The following ZC3H12B variants were observed in gnomAD, a reference collection of about 807,000 sequenced individuals.
The protein encoded by ZC3H12B is probable ribonuclease ZC3H12B.
In ZC3H12B, 7 loss-of-function variants were observed where a neutral mutation model predicts 43.9. That is an observed-to-expected ratio of 0.16 (90% CI 0.09 to 0.30). ZC3H12B has a LOEUF of 0.30. Ranked by LOEUF, ZC3H12B falls within the 10% of genes least tolerant of loss-of-function variation. The probability of loss-of-function intolerance (pLI) is 1.00; values close to 1 mark genes in which losing one functional copy is unlikely to be tolerated. For missense variants in ZC3H12B, 475 were observed against 670.2 expected (o/e 0.71, Z 3.22); for synonymous variants, 222 against 241.7 (o/e 0.92, Z 0.76).
At chrX:65,137,395 C>T in the ZC3H12B span, among the ~76,000 whole-genome samples, 1 of 111,948 alleles carries the variant, frequency 8.9e-6, no homozygotes, top group Non-Finnish European at 1.9e-5. Context: ...CTTTCTAATG[C>T]TTAAATTTGC....
At chrX:65,107,614 G>C in the ZC3H12B span, among the ~76,000 whole-genome samples, 1 of 111,202 alleles carries the variant, frequency 9.0e-6, no homozygotes, top group Non-Finnish European at 1.9e-5. Flanking sequence ...TCATGGGATG[G>C]ACCCGGTGGA....
At chrX:65,061,686 A>T in the ZC3H12B span, among the ~76,000 whole-genome samples, 1 of 112,487 alleles carries the variant, frequency 8.9e-6, no homozygotes, top group South Asian at 3.7e-4. Context: ...ATACCCAGTA[A>T]TGGGATTGCT....
chrX:65,218,068 A>G, the ZC3H12B span, among the ~76,000 whole-genome samples: 1 of 112,411 alleles, frequency 8.9e-6, no homozygotes, highest in African/African-American at 3.2e-5. Flanking sequence ...GCAGCAAAAG[A>G]AAAGCAAGTA....
At chrX:65,165,929 C>T in the ZC3H12B span, among the ~76,000 whole-genome samples, 1 of 112,199 alleles carries the variant, frequency 8.9e-6, no homozygotes, top group Non-Finnish European at 1.9e-5. Context: ...AAGAGTATTT[C>T]TATTTCTCCA....
chrX:65,340,558 C>T, the ZC3H12B span, among the ~76,000 whole-genome samples: 3 of 111,933 alleles, frequency 2.7e-5, no homozygotes, highest in Non-Finnish European at 3.8e-5. Context: ...TACAGGTCTC[C>T]CAGATTTAGA....
the ZC3H12B span, among the ~76,000 whole-genome samples, chrX:65,048,305 A>G: frequency 1.8e-5 from 2 of 111,477 alleles, no homozygotes; most frequent in Non-Finnish European, 3.8e-5. Context: ...TTCTGTATCT[A>G]TTCATCCATT....
the ZC3H12B span, among the ~76,000 whole-genome samples, chrX:65,340,746 CA>C: frequency 6.2e-5 from 7 of 112,409 alleles, no homozygotes; most frequent in Non-Finnish European, 1.1e-4. Context: ...CATCAACCCA[CA>C]AAGATGAGAA....
At chrX:65,138,324 C>A in the ZC3H12B span, among the ~76,000 whole-genome samples, 1 of 111,679 alleles carries the variant, frequency 9.0e-6, no homozygotes, top group South Asian at 3.7e-4. Context: ...ACCTGTGAGA[C>A]TGTGTGGAAT....
At chrX:65,170,595 G>T in the ZC3H12B span, among the ~76,000 whole-genome samples, 1 of 111,598 alleles carries the variant, frequency 9.0e-6, no homozygotes, top group Non-Finnish European at 1.9e-5. Context: ...TTCTAGGTTG[G>T]GGAAGTTCTC....
chrX:65,080,899 CATAA>C, the ZC3H12B span, among the ~76,000 whole-genome samples: 3 of 110,859 alleles, frequency 2.7e-5, no homozygotes, highest in African/African-American at 9.8e-5. Context: ...ATGAATCAAT[CATAA>C]ATAATAACTA....
chrX:65,252,746 C>G, the ZC3H12B span, among the ~76,000 whole-genome samples: 1 of 111,772 alleles, frequency 8.9e-6, no homozygotes, highest in Non-Finnish European at 1.9e-5. Flanking sequence ...CATTATTATA[C>G]GTTGTCAGTG....
At chrX:65,188,811 T>TA in the ZC3H12B span, among the ~76,000 whole-genome samples, 1 of 108,978 alleles carries the variant, frequency 9.2e-6, no homozygotes, top group East Asian at 2.9e-4. Context: ...AGTTTTTTTT[T>TA]TTTATTTAAG....
At chrX:65,361,682 G>A (rs946977590), upstream of ZC3H12B, among the ~76,000 whole-genome samples, 3 of 109,800 alleles carry the variant, frequency 2.7e-5, no homozygotes, top group Admixed American at 2.9e-4. Flanking sequence ...TACTGTCCTA[G>A]ACCCCAGAGG....
the ZC3H12B span, among the ~76,000 whole-genome samples, chrX:65,197,267 A>G: frequency 1.2e-4 from 13 of 112,346 alleles, no homozygotes; most frequent in African/African-American, 3.6e-4. Context: ...CTGCGCCTTT[A>G]CAAACCTAAA....
chrX:65,412,366 CATTT>C (rs1189586878), intron 3 of ZC3H12B, among the ~76,000 whole-genome samples: 2 of 112,005 alleles, frequency 1.8e-5, no homozygotes, highest in African/African-American at 3.2e-5. Flanking sequence ...GAGTAATATT[CATTT>C]GTTTAGCCAT....
the ZC3H12B span, among the ~76,000 whole-genome samples, chrX:65,068,596 GTTA>G: frequency 9.0e-6 from 1 of 111,730 alleles, no homozygotes; most frequent in East Asian, 2.8e-4. Context: ...AGTTGTTGGA[GTTA>G]TTATTTTCGA....
the ZC3H12B span, among the ~76,000 whole-genome samples, chrX:65,094,593 G>GA: frequency 9.0e-6 from 1 of 111,729 alleles, no homozygotes; most frequent in East Asian, 2.8e-4. Context: ...CACTCTTGGG[G>GA]AAAAAACAAC....
At chrX:65,396,105 C>T (rs752763472) in intron 2 of ZC3H12B, among the ~76,000 whole-genome samples, 198 of 111,266 alleles carry the variant, frequency 1.8e-3, no homozygotes, top group Non-Finnish European at 3.3e-3. Flanking sequence ...GGCTACTGGT[C>T]TATTTTGTTA....
chrX:65,171,954 G>A, the ZC3H12B span, among the ~76,000 whole-genome samples: 1 of 112,138 alleles, frequency 8.9e-6, no homozygotes, highest in African/African-American at 3.2e-5. Context: ...GCTTCTCTTG[G>A]CTAGGAAAGG....
Sources: gnomAD v4.1 joint callset for allele counts (sites outside exome capture counted in the v4.1 genomes callset) on GRCh38, gnomAD v4.1.1 for gene constraint, MANE v1.5 for transcripts, NCBI Gene and HGNC (gene_info 2026-07-23, HGNC 2026-07-21) for gene names.